Variants in CDH2 observed in about 807,000 individuals in gnomAD.
The protein encoded by CDH2 is cadherin 2.
In CDH2, 17 loss-of-function variants were observed where a neutral mutation model predicts 92.0. That is an observed-to-expected ratio of 0.18 (90% confidence interval 0.13 to 0.28). The LOEUF is 0.28. Ranked by LOEUF, CDH2 falls within the 10% of genes least tolerant of loss-of-function variation. CDH2 has a pLI of 1.00. For missense variants in CDH2, 862 were observed against 1,133.1 expected, an observed-to-expected ratio of 0.76 and a Z score of 3.44; for synonymous variants, 419 against 415.9, an observed-to-expected ratio of 1.01 and a Z score of -0.09.
intron 2 of CDH2, among the ~76,000 whole-genome samples, chr18:28,121,636 C>T (rs188775153): frequency 1.2e-4 from 18 of 152,250 alleles, no homozygotes; most frequent in Admixed American, 9.8e-4. Context: ...TTATCACTTT[C>T]ATCAATTCAA....
At chr18:28,153,807 C>T (rs149774928) in intron 1 of CDH2, among the ~76,000 whole-genome samples, 85 of 152,302 alleles carry the variant, frequency 5.6e-4, no homozygotes, top group Admixed American at 9.8e-4. Context: ...TATTCAATGT[C>T]TTAGCTATTT....
In CDH2 at chr18:27,977,392, A is replaced by C. The variant is rs1463935476; in HGVS notation, c.2349+5552T>G. 7.9e-5 allele frequency among the ~76,000 whole-genome samples: 12 copies of C among 152,158 alleles called. No homozygotes were observed. In the East Asian group the frequency reaches 2.1e-3, roughly 27 times the overall value. On this transcript the variant is annotated intron_variant, in intron 14 of 15. Coordinates refer to ENST00000269141, the MANE Select transcript of CDH2 (RefSeq NM_001792.5). Reference sequence around the variant, plus strand: ...TTTCTTTTTCCCATTTTACCCCCTTAGGCACCTCTTAGTTATTTTGTTAAA... The same window carrying C: ...TTTCTTTTTCCCATTTTACCCCCTTCGGCACCTCTTAGTTATTTTGTTAAA...
At chr18:28,092,499 T>C (rs1203991745) in intron 2 of CDH2, among the ~76,000 whole-genome samples, 1 of 151,872 alleles carries the variant, frequency 6.6e-6, no homozygotes, top group Non-Finnish European at 1.5e-5. Context: ...AAATTCCTTC[T>C]GCTACCCTAT....
intron 2 of CDH2, among the ~76,000 whole-genome samples, chr18:28,075,647 G>A (rs1816825): frequency 0.2 from 29,969 of 152,028 alleles, 3,238 homozygotes; most frequent in East Asian, 0.36. Context: ...AAGCCCTTCC[G>A]TGGCTTTGTG....
intron 1 of CDH2, among the ~76,000 whole-genome samples, chr18:28,166,625 G>A (rs372243448): frequency 2.0e-5 from 3 of 152,096 alleles, no homozygotes; most frequent in African/African-American, 7.2e-5. Context: ...ATGTGTAGAG[G>A]CAAAAGCAAG....
At chr18:27,938,929 T>C (rs1169644442) in intron 6 of CDH2, among the ~76,000 whole-genome samples, 1 of 152,178 alleles carries the variant, frequency 6.6e-6, no homozygotes, top group Non-Finnish European at 1.5e-5. Flanking sequence ...TCAAATGGTA[T>C]AATATTTACA....
intron 8 of CDH2, 119 bp downstream of exon 8, chr18:27,993,380 GC>G: frequency 1.1e-6 from 1 of 951,518 alleles, no homozygotes; most frequent in Non-Finnish European, 1.6e-6. Context: ...CGAGTTAGCA[GC>G]CATGCTACTA....
chr18:28,139,148 G>C (rs1447866822), intron 2 of CDH2, among the ~76,000 whole-genome samples: 3 of 152,036 alleles, frequency 2.0e-5, no homozygotes, highest in African/African-American at 4.8e-5. Context: ...AAATGTGTTA[G>C]AGTGGTTCTA....
intron 14 of CDH2, among the ~76,000 whole-genome samples, chr18:27,977,670 C>A (rs2011891907): frequency 1.6e-5 from 1 of 61,280 alleles, no homozygotes; most frequent in South Asian, 3.9e-4. Context: ...TGGCATCCAG[C>A]AAATACTTAA....
intron 2 of CDH2, among the ~76,000 whole-genome samples, chr18:28,112,131 T>A (rs569242121): frequency 6.6e-6 from 1 of 152,332 alleles, no homozygotes; most frequent in South Asian, 2.1e-4. Context: ...TGAAAGTATT[T>A]GGAAAGTTTA....
At chr18:28,155,113 G>A (rs1415007295) in intron 1 of CDH2, among the ~76,000 whole-genome samples, 1 of 152,112 alleles carries the variant, frequency 6.6e-6, no homozygotes, top group African/African-American at 2.4e-5. Context: ...TTGCTCCCCT[G>A]ATTCCTTGTG....
chr18:27,967,727 C>T (rs1042404250), intron 14 of CDH2, among the ~76,000 whole-genome samples: 1 of 151,982 alleles, frequency 6.6e-6, no homozygotes, highest in African/African-American at 2.4e-5. Context: ...AATATTAACA[C>T]TGCAAGTAAC....
intron 4 of CDH2, among the ~76,000 whole-genome samples, chr18:28,010,317 T>C (rs1567962704): frequency 1.3e-5 from 2 of 152,236 alleles, no homozygotes; most frequent in East Asian, 3.9e-4. Flanking sequence ...GGAACTCTAA[T>C]ACAGTTATGG....
chr18:27,982,044 T>C (rs1175451207), intron 14 of CDH2, among the ~76,000 whole-genome samples: 2 of 152,192 alleles, frequency 1.3e-5, no homozygotes, highest in African/African-American at 4.8e-5. Flanking sequence ...CATCTATTAC[T>C]TCCTAAGTGC....
At chr18:28,006,899 G>C (rs918920800) in intron 5 of CDH2, among the ~76,000 whole-genome samples, 3 of 151,420 alleles carry the variant, frequency 2.0e-5, no homozygotes, top group Admixed American at 2.0e-4. Context: ...TGGGCACAGT[G>C]AGTAGCTCAT....
At chr18:28,036,085 A>T (rs2013819048) in intron 2 of CDH2, among the ~76,000 whole-genome samples, 1 of 152,208 alleles carries the variant, frequency 6.6e-6, no homozygotes, top group Non-Finnish European at 1.5e-5. Flanking sequence ...TGCAGTTTGC[A>T]GAAGAATGTC....
At chr18:28,049,500 G>A (rs1016487850) in intron 2 of CDH2, among the ~76,000 whole-genome samples, 6 of 152,258 alleles carry the variant, frequency 3.9e-5, no homozygotes, top group Middle Eastern at 3.4e-3. Context: ...TTGATAACAC[G>A]GGTGGAAAAC....
At chr18:28,118,374 T>C (rs1221418873) in intron 2 of CDH2, among the ~76,000 whole-genome samples, 1 of 152,110 alleles carries the variant, frequency 6.6e-6, no homozygotes, top group African/African-American at 2.4e-5. Flanking sequence ...TTTAGTAACA[T>C]CAATATTGAT....
intron 5 of CDH2, among the ~76,000 whole-genome samples, chr18:28,008,484 G>A (rs2013004674): frequency 6.6e-6 from 1 of 152,042 alleles, no homozygotes; most frequent in Non-Finnish European, 1.5e-5. Flanking sequence ...AGATCTAGGT[G>A]AATCTATTGA....
Sources: gnomAD v4.1 joint callset for allele counts (sites outside exome capture counted in the v4.1 genomes callset) on GRCh38, gnomAD v4.1.1 for gene constraint, MANE v1.5 for transcripts, NCBI Gene and HGNC (gene_info 2026-07-23, HGNC 2026-07-21) for gene names.